Variants in COL22A1 observed in about 807,000 individuals in gnomAD.
The protein encoded by COL22A1 is collagen alpha-1(XXII) chain.
COL22A1 carries 221 observed loss-of-function variants against 248.9 expected under a neutral mutation model. The ratio of observed to expected loss-of-function variants is 0.89; its 90% CI spans 0.80 to 0.99. The LOEUF is 0.99. Ranked by LOEUF, COL22A1 falls within the 50% of genes least tolerant of loss-of-function variation. COL22A1 has a pLI of 0.00. For missense variants in COL22A1, 2,240 were observed against 2,179.0 expected, an observed-to-expected ratio of 1.03 and a Z score of -0.56; for synonymous variants, 891 against 793.4, an observed-to-expected ratio of 1.12 and a Z score of -2.07.
At chr8:138,841,194 T>A (rs552672557) in intron 4 of COL22A1, among the ~76,000 whole-genome samples, 1 of 152,334 alleles carries the variant, frequency 6.6e-6, no homozygotes, top group South Asian at 2.1e-4. Context: ...TATCCATCCA[T>A]TCATTTCACA....
intron 55 of COL22A1, among the ~76,000 whole-genome samples, chr8:138,614,265 G>T (rs890947937): frequency 1.3e-5 from 2 of 152,160 alleles, no homozygotes; most frequent in Admixed American, 1.3e-4. Context: ...TCGCTAGACG[G>T]TGACCTGGAA....
intron 46 of COL22A1, among the ~76,000 whole-genome samples, chr8:138,647,647 G>A (rs1488437944): frequency 6.6e-6 from 1 of 152,160 alleles, no homozygotes; most frequent in Admixed American, 6.5e-5. Context: ...TACCTGGAGT[G>A]TCAGCTGCTT....
In COL22A1 at chr8:138,725,370, A is replaced by G. The variant is rs781453016; in HGVS notation, c.2193+17T>C. On this transcript the variant is annotated intron_variant, in intron 24 of 64. Coordinates refer to ENST00000303045, the MANE Select transcript of COL22A1 (RefSeq NM_152888.3). ...CACCATCTAAGAGCCCCTGTAGAAA[A>G]TCAAAGCCAGTCTTACCGGAGAACC... 79 of 1,613,738 alleles carry G rather than the reference A, an allele frequency of 4.9e-5. No homozygotes were observed. The highest frequency in any genetic ancestry group is 8.3e-5 in the Admixed American group (5 of 60,012).
chr8:138,802,810 G>T, intron 11 of COL22A1, 62 bp downstream of exon 11: 1 of 1,309,258 alleles, frequency 7.6e-7, no homozygotes, highest in Non-Finnish European at 1.1e-6. Flanking sequence ...TGATCGGAGG[G>T]CCCTGGGTCC....
chr8:138,724,733 C>G, intron 24 of COL22A1, 65 bp from the exon 25 acceptor site: 2 of 1,517,016 alleles, frequency 1.3e-6, no homozygotes, highest in Non-Finnish European at 1.8e-6. Flanking sequence ...TTGACTCAAC[C>G]TCTTTCCTGG....
At chr8:138,620,615 A>G (rs1431115839) in intron 52 of COL22A1, 1 of 152,190 alleles carries the variant, frequency 6.6e-6, no homozygotes, top group East Asian at 1.9e-4. Context: ...GTCAACTGTG[A>G]TGGCCATCAC....
At chr8:138,855,063 C>G (rs998876649) in intron 3 of COL22A1, among the ~76,000 whole-genome samples, 2 of 152,192 alleles carry the variant, frequency 1.3e-5, no homozygotes, top group African/African-American at 2.4e-5. Flanking sequence ...TGGCCTCCAG[C>G]ATCCTTCTGA....
intron 3 of COL22A1, among the ~76,000 whole-genome samples, chr8:138,862,873 G>A (rs4736078): frequency 0.68 from 103,848 of 151,704 alleles, 37,718 homozygotes; most frequent in East Asian, 0.97. Context: ...TGTGCCCAGC[G>A]TCCCCTGGTG....
intron 7 of COL22A1, among the ~76,000 whole-genome samples, chr8:138,817,604 A>G (rs560049232): frequency 6.6e-6 from 1 of 152,308 alleles, no homozygotes; most frequent in East Asian, 1.9e-4. Flanking sequence ...AAGGAAACTC[A>G]GGTCTGATTT....
rs1461930562 is a variant in COL22A1 at position 138,819,910 on chromosome 8, C to T, written c.1245+1226G>A. 3.3e-5 allele frequency among the ~76,000 whole-genome samples: 5 copies of T among 151,992 alleles called. No homozygotes were observed. In the East Asian group the frequency reaches 9.7e-4, roughly 29 times the overall value. On this transcript the variant is annotated intron_variant, in intron 7 of 64. Coordinates refer to ENST00000303045, the MANE Select transcript of COL22A1 (RefSeq NM_152888.3). ...AAATGCTCTCAATTAATCTATATCT[C>T]AAGCTTAAAGGACAGCTGTTGCTTA...
At chr8:138,593,311 C>A (rs997754319) in intron 63 of COL22A1, among the ~76,000 whole-genome samples, 1 of 151,984 alleles carries the variant, frequency 6.6e-6, no homozygotes, top group Non-Finnish European at 1.5e-5. Context: ...GTGCAGCAAA[C>A]CACCATGGCA....
chr8:138,822,645 T>A (rs1007860662), intron 6 of COL22A1, among the ~76,000 whole-genome samples: 2 of 152,164 alleles, frequency 1.3e-5, no homozygotes, highest in Non-Finnish European at 2.9e-5. Flanking sequence ...GGATCTGACC[T>A]TTTAGGACTT....
At chr8:138,661,747 A>G (rs942567145) in intron 43 of COL22A1, among the ~76,000 whole-genome samples, 45 of 122,436 alleles carry the variant, frequency 3.7e-4, no homozygotes, top group Non-Finnish European at 5.5e-4. Context: ...TATGTAAGAC[A>G]TTGACCAAGA....
At chr8:138,807,718 G>A in intron 10 of COL22A1, 50 bp downstream of exon 10, 1 of 1,566,034 alleles carries the variant, frequency 6.4e-7, no homozygotes, top group East Asian at 2.2e-5. Flanking sequence ...GACAGCAAAG[G>A]AGAGGACAAG....
chr8:138,817,775 G>A (rs376483063), intron 7 of COL22A1, among the ~76,000 whole-genome samples: 43 of 152,238 alleles, frequency 2.8e-4, no homozygotes, highest in East Asian at 1.7e-3. Context: ...GAAAGCTGGC[G>A]GTATTCCAGG....
intron 16 of COL22A1, among the ~76,000 whole-genome samples, chr8:138,771,272 G>A (rs1834345704): frequency 1.3e-5 from 2 of 152,230 alleles, no homozygotes; most frequent in African/African-American, 4.8e-5. Context: ...GTAGAGCTAT[G>A]GCGACAGTCT....
chr8:138,894,509 G>A (rs1825267370), intron 1 of COL22A1, among the ~76,000 whole-genome samples: 1 of 152,176 alleles, frequency 6.6e-6, no homozygotes, highest in Non-Finnish European at 1.5e-5. Context: ...GGGACCAGAT[G>A]AAGAGTGCAG....
chr8:138,654,406 T>C (rs1823030505), intron 45 of COL22A1, among the ~76,000 whole-genome samples: 1 of 152,330 alleles, frequency 6.6e-6, no homozygotes, highest in East Asian at 1.9e-4. Flanking sequence ...AATTTTCCCA[T>C]CAAGGCATCT....
rs952504517 is a variant in COL22A1, at chr8:138,644,031, T to C, written c.3501+2598A>G. Among the ~76,000 whole-genome samples, 9 of 152,224 alleles carry C rather than the reference T, an allele frequency of 5.9e-5. No individual in the cohort carries two copies. In the Middle Eastern group the frequency reaches 0.01, roughly 173 times the overall value. On this transcript the variant is annotated intron_variant, in intron 47 of 64. Coordinates refer to ENST00000303045, the MANE Select transcript of COL22A1 (RefSeq NM_152888.3). ...TCCTGTCCTCATGTGATCTGTCTGC[T>C]TCAGTCTCCCAAAGTGCTGGGATTA...
Sources: gnomAD v4.1 joint callset for allele counts (sites outside exome capture counted in the v4.1 genomes callset) on GRCh38, gnomAD v4.1.1 for gene constraint, MANE v1.5 for transcripts, NCBI Gene and HGNC (gene_info 2026-07-23, HGNC 2026-07-21) for gene names.